Variants in SLC9A6 observed in about 807,000 individuals in gnomAD.
The protein encoded by SLC9A6 is solute carrier family 9 member A6, also known as sodium/hydrogen exchanger 6.
SLC9A6 carries 6 observed loss-of-function variants against 45.3 expected under a neutral mutation model. That is an observed-to-expected ratio of 0.13 (90% CI 0.07 to 0.26). The LOEUF (loss-of-function observed/expected upper bound fraction) is 0.26. SLC9A6 is among the 10% of genes least tolerant of loss of function. The pLI, the probability that SLC9A6 is intolerant of heterozygous loss-of-function variation, is 1.00. For synonymous variants in SLC9A6, 191 were observed against 187.7 expected (o/e 1.02, Z -0.14); for missense variants, 278 against 503.7 (o/e 0.55, Z 4.29).
intron 2 of SLC9A6, among the ~76,000 whole-genome samples, chrX:135,991,860 TCTC>T (rs1163396752): frequency 1.8e-5 from 2 of 110,444 alleles, no homozygotes; most frequent in South Asian, 4.0e-4. Context: ...ATCAGCTCCT[TCTC>T]CTCTAGCAGC....
chrX:136,007,666 A>G (rs2089678631), intron 7 of SLC9A6, among the ~76,000 whole-genome samples: 2 of 111,815 alleles, frequency 1.8e-5, no homozygotes, highest in Non-Finnish European at 3.8e-5. Flanking sequence ...TTTATAAACA[A>G]TAAAGGCATA....
intron 16 of SLC9A6, among the ~76,000 whole-genome samples, chrX:136,038,570 A>G (rs1364967783): frequency 9.0e-6 from 1 of 110,886 alleles, no homozygotes; most frequent in African/African-American, 3.3e-5. Context: ...ATCAGGAAGT[A>G]TTCCCTCATT....
At chrX:136,041,513 C>T (rs1010757297) in intron 17 of SLC9A6, among the ~76,000 whole-genome samples, 1 of 111,701 alleles carries the variant, frequency 9.0e-6, no homozygotes, top group Non-Finnish European at 1.9e-5. Context: ...CCTCTCCCTT[C>T]CACATTGCCC....
chrX:136,012,099 A>G (rs1332350730), intron 8 of SLC9A6, among the ~76,000 whole-genome samples: 1 of 112,623 alleles, frequency 8.9e-6, no homozygotes, highest in East Asian at 2.8e-4. Context: ...CAAAAAAACA[A>G]AACAAAACAA....
upstream of SLC9A6, among the ~76,000 whole-genome samples, chrX:135,981,948 T>TAGTG (rs782164662): frequency 8.9e-6 from 1 of 112,719 alleles, no homozygotes; most frequent in South Asian, 3.7e-4. Context: ...TCTGCCCTTG[T>TAGTG]AGTGCTAAAG....
Position 136,000,254 on chromosome X carries a change from CAAAAAAAAAA to C in SLC9A6, c.637+1304_637+1313del, listed in dbSNP as rs1212509294. ...GGCGAGAAGGGCGAGACCCTGTCTC[CAAAAAAAAAA>C]AAAAAAAAAAAAAAAAAGATTTTAA... On this transcript the variant is annotated intron_variant, in intron 6 of 17. Transcript: ENST00000630721. Among the ~76,000 whole-genome samples, 26 of 15,785 alleles carry C rather than the reference CAAAAAAAAAA, an allele frequency of 1.6e-3. 1 individual carries two copies. Among genetic ancestry groups the C allele is most frequent in the African/African-American group, 5.5e-3 (25 of 4,565 alleles). The allele number at this position is 15,785 out of a possible 115,157, so 13.7% of individuals were successfully genotyped here.
intron 11 of SLC9A6, among the ~76,000 whole-genome samples, chrX:136,017,715 A>T (rs188827325): frequency 5.9e-4 from 66 of 111,924 alleles, no homozygotes; most frequent in African/African-American, 2.1e-3. Flanking sequence ...GGAGTTATCT[A>T]TTGTGTAACA....
intron 7 of SLC9A6, chrX:136,010,232 C>T (rs375768120): frequency 5.8e-6 from 2 of 347,716 alleles, no homozygotes; most frequent in African/African-American, 2.7e-5. Context: ...CTACCCCCCC[C>T]CCGAAATTAA....
At chrX:136,044,428 A>G (rs1556623176) in intron 17 of SLC9A6, 24 bp from the exon 18 acceptor site, 4 of 1,191,478 alleles carry the variant, frequency 3.4e-6, no homozygotes, top group Non-Finnish European at 4.6e-6. Context: ...AAAAATTCTT[A>G]AATCTTACTT....
In SLC9A6 at chrX:136,002,205, G is replaced by C. The variant is rs2089593519; in HGVS notation, c.735G>C (p.Val245=). The C allele has an allele frequency of 8.5e-7, 1 of 1,170,639 alleles. No homozygotes were observed. The highest frequency in any genetic ancestry group is 1.8e-5 in the African/African-American group (1 of 56,456). Residue 245 remains valine, a synonymous_variant, in exon 7 of 18, where the codon GTG becomes GTC. Coordinates refer to ENST00000630721, the MANE Select transcript of SLC9A6 (RefSeq NM_001379110.1). Reference sequence around the variant, plus strand: ...TCCTCAATGATGCTGTTGCCATAGTGCTGTCCTCGTAAGTGTTTGTTTTCT... The same window carrying C: ...TCCTCAATGATGCTGTTGCCATAGTCCTGTCCTCGTAAGTGTTTGTTTTCT... ...ESVLNDAVAI[V]LSSSIVAYQP... is the part of the protein sequence containing the mutation.
In SLC9A6 at chrX:136,046,826, A is replaced by C. The variant is rs2071607098; in HGVS notation, c.*2102A>C. On this transcript the variant is annotated 3_prime_UTR_variant, in exon 18 of 18. Coordinates refer to ENST00000630721, the MANE Select transcript of SLC9A6 (RefSeq NM_001379110.1). ...GCTCAGACGCCTATGAAACACCTGA[A>C]TGAACTTTGATGAAGTACAGTCTGA... The C allele has an allele frequency of 8.9e-6, 1 of 112,781 alleles. No homozygotes were observed. The allele number at this position is 112,781 out of a possible 1,213,427, so 9.3% of individuals were successfully genotyped here.
chrX:136,039,411 CAT>C (rs2071469625), intron 16 of SLC9A6, among the ~76,000 whole-genome samples: 1 of 110,407 alleles, frequency 9.1e-6, no homozygotes, highest in South Asian at 3.9e-4. Flanking sequence ...CATATATTCT[CAT>C]GTCTATTTTT....
upstream of SLC9A6, among the ~76,000 whole-genome samples, chrX:135,984,756 A>C (rs2089306633): frequency 8.9e-6 from 1 of 111,929 alleles, no homozygotes; most frequent in South Asian, 3.7e-4. Flanking sequence ...ACACCACCCA[A>C]GATTTTTTCT....
At chrX:136,034,145 C>T (rs1211288681) in intron 16 of SLC9A6, among the ~76,000 whole-genome samples, 5 of 109,789 alleles carry the variant, frequency 4.6e-5, no homozygotes, top group African/African-American at 1.3e-4. Context: ...AGTACTGGTC[C>T]GTGGCCTGTT....
At chrX:136,003,018 C>T (rs782794017) in intron 7 of SLC9A6, among the ~76,000 whole-genome samples, 57 of 104,005 alleles carry the variant, frequency 5.5e-4, no homozygotes, top group Admixed American at 3.1e-3. Flanking sequence ...GACGAAGTCT[C>T]GCTCCTGTCC....
intron 16 of SLC9A6, among the ~76,000 whole-genome samples, chrX:136,037,892 A>G (rs1250313961): frequency 3.6e-5 from 4 of 112,502 alleles, no homozygotes; most frequent in Non-Finnish European, 7.5e-5. Context: ...TTATATATGG[A>G]CCTTGGGTCC....
chrX:136,019,256 G>C (rs1020080270), intron 11 of SLC9A6, among the ~76,000 whole-genome samples: 4 of 112,318 alleles, frequency 3.6e-5, no homozygotes, highest in African/African-American at 1.3e-4. Context: ...TGGCAGTTCT[G>C]CTGCATAGGG....
intron 7 of SLC9A6, among the ~76,000 whole-genome samples, chrX:136,004,174 C>T (rs1556617681): frequency 9.6e-6 from 1 of 104,074 alleles, no homozygotes; most frequent in Non-Finnish European, 2.0e-5. Flanking sequence ...CTGCAACCTC[C>T]ACCTCCCAGG....
intron 3 of SLC9A6, 95 bp downstream of exon 3, chrX:135,995,080 T>G: frequency 3.6e-6 from 2 of 554,886 alleles, no homozygotes; most frequent in East Asian, 3.6e-5. Context: ...TAATGATATT[T>G]AAAATAATGA....
Sources: gnomAD v4.1 joint callset for allele counts (sites outside exome capture counted in the v4.1 genomes callset) on GRCh38, gnomAD v4.1.1 for gene constraint, MANE v1.5 for transcripts, NCBI Gene and HGNC (gene_info 2026-07-23, HGNC 2026-07-21) for gene names.